PCDHA10: variants seen among roughly 807,000 people sequenced by gnomAD.
PCDHA10 encodes the protein protocadherin alpha 10.
PCDHA10 carries 45 observed loss-of-function variants against 61.2 expected under a neutral mutation model. The ratio of observed to expected loss-of-function variants is 0.74; its 90% CI spans 0.58 to 0.94. PCDHA10 has a LOEUF of 0.94. Among genes scored for constraint, PCDHA10 ranks in the 40% least tolerant of loss-of-function variants. PCDHA10 has a pLI of 0.00. For missense variants in PCDHA10, 1,278 were observed against 1,236.2 expected (o/e 1.03, Z -0.51); for synonymous variants, 602 against 548.8 (o/e 1.10, Z -1.35).
rs1214693088 is a variant in PCDHA10, at chr5:140,904,196, C to T, written c.2388+45760C>T. Among the ~76,000 whole-genome samples the T allele has an allele frequency of 1.1e-4, 17 of 152,034 alleles. No homozygotes were observed. In the East Asian group the frequency reaches 3.3e-3, roughly 29 times the overall value. On this transcript the variant is annotated intron_variant, in intron 1 of 3. Transcript: ENST00000307360. ...TTCCTCACCCCCTTCCCACCCTTTC[C>T]CCCTAAGTCCCCAAAGTCCATTGTA... is the stretch of plus-strand genomic sequence containing the variant.
intron 1 of PCDHA10, chr5:140,869,076 C>G (rs367613564): frequency 6.3e-7 from 1 of 1,577,934 alleles, no homozygotes; most frequent in South Asian, 1.2e-5. Flanking sequence ...TGTAAAGAAG[C>G]TTATTTTGGA....
At chr5:140,957,726 A>T (rs1297510940) in intron 1 of PCDHA10, among the ~76,000 whole-genome samples, 4 of 152,164 alleles carry the variant, frequency 2.6e-5, no homozygotes, top group Non-Finnish European at 5.9e-5. Flanking sequence ...AAGAAGCAGA[A>T]TTATATATAC....
At chr5:140,918,252 C>T (rs931753296) in intron 1 of PCDHA10, among the ~76,000 whole-genome samples, 1 of 152,078 alleles carries the variant, frequency 6.6e-6, no homozygotes, top group East Asian at 1.9e-4. Context: ...TATGCTGAAA[C>T]TTTGCTGGAG....
intron 3 of PCDHA10, among the ~76,000 whole-genome samples, chr5:141,007,967 G>A (rs1191510244): frequency 6.6e-6 from 1 of 152,176 alleles, no homozygotes; most frequent in Admixed American, 6.5e-5. Flanking sequence ...TTCTCTGGGT[G>A]TCTGTCATGT....
intron 1 of PCDHA10, chr5:140,883,758 G>A (rs781858673): frequency 3.1e-6 from 5 of 1,612,920 alleles, no homozygotes; most frequent in South Asian, 1.1e-5. Context: ...CTGGTGGAGC[G>A]GCGGGTGGGC....
In PCDHA10 at chr5:141,009,994, C is replaced by T; in HGVS notation, c.*57C>T. 1.3e-6 allele frequency: 2 copies of T among 1,577,076 alleles called. No individual in the cohort carries two copies. Among genetic ancestry groups the T allele is most frequent in the South Asian group, 1.2e-5 (1 of 83,074 alleles). On this transcript the variant is annotated 3_prime_UTR_variant, in exon 4 of 4. Transcript: ENST00000307360. Reference sequence around the variant, plus strand: ...GTTTTTGTAATAATGGCAAATCTCTCCCATGTAGCAATTCCCTGCTCCTTT... The same window carrying T: ...GTTTTTGTAATAATGGCAAATCTCTTCCATGTAGCAATTCCCTGCTCCTTT...
At chr5:140,885,050 C>T (rs1183142093) in intron 1 of PCDHA10, among the ~76,000 whole-genome samples, 3 of 152,164 alleles carry the variant, frequency 2.0e-5, no homozygotes, top group African/African-American at 7.2e-5. Context: ...TTAATGTATA[C>T]ATATACCCAC....
chr5:140,985,532 G>A (rs1358120172), intron 3 of PCDHA10, among the ~76,000 whole-genome samples: 2 of 152,190 alleles, frequency 1.3e-5, no homozygotes, highest in African/African-American at 4.8e-5. Context: ...AAAGCTTCAC[G>A]GTGAAGATGC....
At chr5:140,928,204 G>A (rs1554205615) in intron 1 of PCDHA10, 4 of 1,614,236 alleles carry the variant, frequency 2.5e-6, no homozygotes, top group Middle Eastern at 1.6e-4. Flanking sequence ...AGTTGCTGAT[G>A]TGAATGACAA....
intron 1 of PCDHA10, chr5:140,877,446 G>T: frequency 6.2e-7 from 1 of 1,613,856 alleles, no homozygotes; most frequent in Non-Finnish European, 8.5e-7. Flanking sequence ...GTGAGCCCGC[G>T]CTGACGTCCA....
At chr5:140,859,044 G>C (rs1228604447) in intron 1 of PCDHA10, 6 of 150,376 alleles carry the variant, frequency 4.0e-5, no homozygotes, top group Non-Finnish European at 7.4e-5. Context: ...CTTTAAAAAC[G>C]TTTTCCATTT....
intron 1 of PCDHA10, chr5:140,878,017 G>A: frequency 1.2e-6 from 1 of 800,034 alleles, no homozygotes; most frequent in Non-Finnish European, 1.8e-6. Flanking sequence ...ATTAATGAAG[G>A]AAATATGTAG....
At position 140,923,111 on chromosome 5, in the gene PCDHA10, G is replaced by T. The variant is rs192696214; in HGVS notation, c.2389-55838G>T. Among the ~76,000 whole-genome samples, 53 of 152,266 alleles carry T rather than the reference G, an allele frequency of 3.5e-4. No individual in the cohort carries two copies. In the East Asian group the frequency reaches 8.9e-3, roughly 25 times the overall value. ...TTGACCAATGGGAGTATGATTTTAA[G>T]TTTTTAGGGTCACACTTTGAAGGTG... On this transcript the variant is annotated intron_variant, in intron 1 of 3. Coordinates refer to ENST00000307360, the MANE Select transcript of PCDHA10 (RefSeq NM_018901.4).
intron 1 of PCDHA10, among the ~76,000 whole-genome samples, chr5:140,896,927 A>G (rs1453519374): frequency 6.6e-6 from 1 of 152,212 alleles, no homozygotes; most frequent in Non-Finnish European, 1.5e-5. Flanking sequence ...TAATCACATC[A>G]TGGAAAATGG....
At chr5:140,984,965 T>G (rs2097128606) in intron 3 of PCDHA10, among the ~76,000 whole-genome samples, 1 of 151,666 alleles carries the variant, frequency 6.6e-6, no homozygotes, top group Non-Finnish European at 1.5e-5. Context: ...TGAGACAGAG[T>G]CTCGCTCTGT....
At chr5:140,895,898 G>A (rs1023440863) in intron 1 of PCDHA10, among the ~76,000 whole-genome samples, 2 of 152,016 alleles carry the variant, frequency 1.3e-5, no homozygotes, top group South Asian at 4.1e-4. Flanking sequence ...TGCAACCTCC[G>A]CGTCCCGGGC....
At chr5:140,869,764 G>A (rs1554163420) in intron 1 of PCDHA10, 4 of 1,613,244 alleles carry the variant, frequency 2.5e-6, no homozygotes, top group East Asian at 4.5e-5. Context: ...GGGAAAACCA[G>A]AGCTTACTGG....
chr5:140,902,114 A>G (rs2069112413), intron 1 of PCDHA10, among the ~76,000 whole-genome samples: 1 of 151,286 alleles, frequency 6.6e-6, no homozygotes. Flanking sequence ...TTTTTTTAAA[A>G]CTGAGATTAT....
In PCDHA10 at chr5:141,010,893, A is replaced by G. The variant is rs76323061; in HGVS notation, c.*956A>G. On this transcript the variant is annotated 3_prime_UTR_variant, in exon 4 of 4. Transcript: ENST00000307360. ...TAAATCTTTAAAGAGAAATATGAAT[A>G]CAATTCCCCTAAACTCTCCTCAAAA... is the stretch of plus-strand genomic sequence containing the variant. 0.018 allele frequency: 2,808 copies of G among 153,906 alleles called. 48 individuals are homozygous for G. The highest frequency in any genetic ancestry group is 0.029 in the Non-Finnish European group (1,995 of 68,040). 9.5% of individuals were successfully genotyped at this position (153,906 alleles called of 1,614,324 possible).
Sources: allele counts gnomAD v4.1 joint callset (sites outside exome capture counted in the v4.1 genomes callset), GRCh38; gene constraint gnomAD v4.1.1; transcripts MANE v1.5; gene names NCBI Gene and HGNC (gene_info 2026-07-23, HGNC 2026-07-21).